MYO1D: variants seen among roughly 807,000 people sequenced by gnomAD.
MYO1D encodes myosin ID, also known as unconventional myosin-Id.
Under a neutral mutation model 122.0 loss-of-function variants are expected in MYO1D, and 83 were observed. The ratio of observed to expected loss-of-function variants is 0.68; its 90% CI spans 0.57 to 0.82. MYO1D has a LOEUF of 0.82. Among genes scored for constraint, MYO1D ranks in the 40% least tolerant of loss-of-function variants. MYO1D has a pLI of 0.00. For missense variants in MYO1D, 1,157 were observed against 1,269.5 expected, an observed-to-expected ratio of 0.91 and a Z score of 1.35; for synonymous variants, 464 against 446.9, an observed-to-expected ratio of 1.04 and a Z score of -0.48.
intron 16 of MYO1D, among the ~76,000 whole-genome samples, chr17:32,677,224 A>G (rs1201815998): frequency 6.6e-6 from 1 of 152,166 alleles, no homozygotes; most frequent in African/African-American, 2.4e-5. Context: ...ACATGCCCAT[A>G]CAATTAATTT....
intron 12 of MYO1D, 50 bp from the exon 13 acceptor site, chr17:32,745,335 C>A: frequency 8.0e-7 from 1 of 1,242,770 alleles, no homozygotes; most frequent in Non-Finnish European, 1.1e-6. Flanking sequence ...AAGCAAGAGC[C>A]ACATTTAAGT....
intron 11 of MYO1D, among the ~76,000 whole-genome samples, chr17:32,749,426 A>G (rs1399582267): frequency 6.6e-6 from 1 of 152,206 alleles, no homozygotes; most frequent in Non-Finnish European, 1.5e-5. Context: ...CTACTATCTT[A>G]TGACACTTTA....
intron 1 of MYO1D, among the ~76,000 whole-genome samples, chr17:32,856,229 T>G (rs114598254): frequency 1.2e-3 from 186 of 152,258 alleles, no homozygotes; most frequent in Non-Finnish European, 2.0e-3. Context: ...CATAGGAGCC[T>G]TCATCCTCTT....
chr17:32,854,916 T>C (rs760570637), intron 1 of MYO1D, among the ~76,000 whole-genome samples: 15 of 152,188 alleles, frequency 9.9e-5, no homozygotes, highest in African/African-American at 3.1e-4. Context: ...GATGCCAACA[T>C]ATGATATACA....
At chr17:32,870,224 T>A (rs2091166872) in intron 1 of MYO1D, among the ~76,000 whole-genome samples, 1 of 152,212 alleles carries the variant, frequency 6.6e-6, no homozygotes, top group African/African-American at 2.4e-5. Flanking sequence ...GAGAGCAAAC[T>A]GTCCTTTTCC....
intron 1 of MYO1D, among the ~76,000 whole-genome samples, chr17:32,873,506 T>C (rs2091201336): frequency 6.6e-6 from 1 of 152,218 alleles, no homozygotes; most frequent in Admixed American, 6.5e-5. Flanking sequence ...ACCAGAAATA[T>C]GTGCCCAACC....
chr17:32,856,812 C>A (rs752906747), intron 1 of MYO1D, among the ~76,000 whole-genome samples: 1 of 152,202 alleles, frequency 6.6e-6, no homozygotes, highest in Non-Finnish European at 1.5e-5. Flanking sequence ...CATTTCTGAT[C>A]ATCTAAATCT....
intron 8 of MYO1D, among the ~76,000 whole-genome samples, chr17:32,764,253 A>G (rs1191173540): frequency 6.6e-6 from 1 of 152,238 alleles, no homozygotes; most frequent in East Asian, 1.9e-4. Flanking sequence ...AATGGTGATT[A>G]CCAGAGGCTA....
intron 21 of MYO1D, among the ~76,000 whole-genome samples, chr17:32,530,799 G>A (rs538666894): frequency 6.6e-6 from 1 of 152,060 alleles, no homozygotes; most frequent in Non-Finnish European, 1.5e-5. Flanking sequence ...AGACCCTGTT[G>A]CTAAAAATAA....
intron 21 of MYO1D, among the ~76,000 whole-genome samples, chr17:32,581,963 C>T (rs536831289): frequency 1.2e-4 from 18 of 152,294 alleles, no homozygotes; most frequent in Admixed American, 2.6e-4. Context: ...TGGGGTTTCA[C>T]CATGTTGGCC....
At chr17:32,697,359 A>G (rs1282143684) in intron 16 of MYO1D, among the ~76,000 whole-genome samples, 1 of 152,252 alleles carries the variant, frequency 6.6e-6, no homozygotes, top group African/African-American at 2.4e-5. Context: ...TACGGAGTCA[A>G]TGGCCACCAT....
intron 21 of MYO1D, among the ~76,000 whole-genome samples, chr17:32,538,863 G>C (rs568590117): frequency 6.6e-6 from 1 of 152,056 alleles, no homozygotes; most frequent in Non-Finnish European, 1.5e-5. Flanking sequence ...ACCAAACACC[G>C]CATGTTCTTG....
chr17:32,711,648 G>C (rs570551601), intron 16 of MYO1D, among the ~76,000 whole-genome samples: 2 of 151,690 alleles, frequency 1.3e-5, no homozygotes, highest in Non-Finnish European at 2.9e-5. Flanking sequence ...TCCGTCTCGG[G>C]GGGGAAAAAA....
chr17:32,712,275 A>T, intron 15 of MYO1D, 80 bp from the exon 16 acceptor site: 1 of 1,320,792 alleles, frequency 7.6e-7, no homozygotes, highest in South Asian at 1.3e-5. Context: ...AAAATGCAAG[A>T]CACCTCATAG....
At chr17:32,713,154 TTTC>T (rs1471468950) in intron 15 of MYO1D, among the ~76,000 whole-genome samples, 12 of 152,206 alleles carry the variant, frequency 7.9e-5, no homozygotes, top group Admixed American at 5.9e-4. Flanking sequence ...GCATTTATGT[TTTC>T]TTCTAGTACT....
chr17:32,629,802 T>C (rs2087980048), intron 20 of MYO1D, among the ~76,000 whole-genome samples: 1 of 151,894 alleles, frequency 6.6e-6, no homozygotes. Flanking sequence ...CTAGGTAACT[T>C]TGGAAATGAG....
intron 12 of MYO1D, among the ~76,000 whole-genome samples, chr17:32,745,887 G>A (rs1485101874): frequency 6.6e-6 from 1 of 151,842 alleles, no homozygotes. Flanking sequence ...TTGGTGAGAA[G>A]AGTAGGAATA....
intron 1 of MYO1D, among the ~76,000 whole-genome samples, chr17:32,784,362 C>T (rs568624214): frequency 1.1e-4 from 16 of 152,276 alleles, no homozygotes; most frequent in African/African-American, 3.8e-4. Context: ...TCTCCTTCTC[C>T]AAAAGTCTAA....
intron 15 of MYO1D, among the ~76,000 whole-genome samples, chr17:32,716,374 C>T (rs1366216273): frequency 6.6e-6 from 1 of 152,130 alleles, no homozygotes; most frequent in Non-Finnish European, 1.5e-5. Flanking sequence ...GGTTTATCTG[C>T]TTAATGTCAG....
Sources: gnomAD v4.1 joint callset for allele counts (sites outside exome capture counted in the v4.1 genomes callset) on GRCh38, gnomAD v4.1.1 for gene constraint, MANE v1.5 for transcripts, NCBI Gene and HGNC (gene_info 2026-07-23, HGNC 2026-07-21) for gene names.